Variants in MBOAT1 observed in about 807,000 individuals in gnomAD.
The protein encoded by MBOAT1 is membrane bound glycerophospholipid O-acyltransferase 1.
MBOAT1 carries 67 observed loss-of-function variants against 64.4 expected under a neutral mutation model. The observed-to-expected ratio is 1.04, with a 90% confidence interval of 0.85 to 1.27. The LOEUF is 1.27. MBOAT1 is among the 50% of genes most tolerant of loss of function. The pLI is 0.00. For missense variants in MBOAT1, 563 were observed against 604.6 expected, an observed-to-expected ratio of 0.93 and a Z score of 0.72; for synonymous variants, 229 against 218.9, an observed-to-expected ratio of 1.05 and a Z score of -0.41.
intron 4 of MBOAT1, among the ~76,000 whole-genome samples, chr6:20,139,927 A>G (rs879691732): frequency 1.5e-4 from 23 of 152,096 alleles, no homozygotes; most frequent in Admixed American, 7.9e-4. Flanking sequence ...TCTGTCTCCT[A>G]TCACTGTGCC....
At chr6:20,202,945 G>T (rs1010481703) in intron 1 of MBOAT1, among the ~76,000 whole-genome samples, 1 of 152,142 alleles carries the variant, frequency 6.6e-6, no homozygotes, top group Non-Finnish European at 1.5e-5. Context: ...CAAGTCACTG[G>T]TACAAAAGAT....
At chr6:20,153,703 G>T (rs954787712) in intron 1 of MBOAT1, among the ~76,000 whole-genome samples, 1 of 152,104 alleles carries the variant, frequency 6.6e-6, no homozygotes, top group African/African-American at 2.4e-5. Context: ...TGCATTTAAC[G>T]TCCAGTGCCA....
At chr6:20,107,810 G>C (rs1313218438) in intron 12 of MBOAT1, among the ~76,000 whole-genome samples, 1 of 151,494 alleles carries the variant, frequency 6.6e-6, no homozygotes, top group Non-Finnish European at 1.5e-5. Context: ...AAAAAAGCAT[G>C]TTAGAAATAG....
At chr6:20,147,181 C>A (rs2113685432) in intron 3 of MBOAT1, among the ~76,000 whole-genome samples, 1 of 152,350 alleles carries the variant, frequency 6.6e-6, no homozygotes, top group South Asian at 2.1e-4. Flanking sequence ...CACTAAACTT[C>A]TTTTTGTATA....
intron 3 of MBOAT1, among the ~76,000 whole-genome samples, chr6:20,146,126 G>A (rs941041100): frequency 3.9e-5 from 6 of 152,224 alleles, no homozygotes; most frequent in African/African-American, 9.6e-5. Context: ...AAGTGGTTCC[G>A]GAGCCCATCG....
intron 1 of MBOAT1, among the ~76,000 whole-genome samples, chr6:20,180,245 C>T (rs1762472437): frequency 6.6e-6 from 1 of 152,114 alleles, no homozygotes; most frequent in Admixed American, 6.5e-5. Context: ...GAAGAGAGGA[C>T]CCTTATCCAG....
chr6:20,212,185 G>A lies in MBOAT1; in HGVS notation c.50C>T (p.Ser17Phe). 1 of 1,613,586 alleles carries A rather than the reference G, an allele frequency of 6.2e-7. No individual in the cohort carries two copies. Among genetic ancestry groups the A allele is most frequent in the Non-Finnish European group, 8.5e-7 (1 of 1,179,886 alleles). ...PSSLSYRTTG[S>F]TYLHPLSELL... ...CTCGCTGAGCGGGTGCAGGTAGGTG[G>A]AGCCCGTGGTGCGGTAGGAAAGGCT... Residue 17 changes from serine (S) to phenylalanine (F), a missense_variant, in exon 1 of 13, where the codon TCC (serine) becomes TTC (phenylalanine). Transcript: ENST00000324607.
intron 1 of MBOAT1, among the ~76,000 whole-genome samples, chr6:20,179,424 T>G (rs1454649498): frequency 6.6e-6 from 1 of 152,242 alleles, no homozygotes; most frequent in Non-Finnish European, 1.5e-5. Context: ...TTTCTGTTCC[T>G]GCATTAGTTT....
At position 20,100,136 on chromosome 6, in the gene MBOAT1, A is replaced by G. The variant is rs1244888871; in HGVS notation, c.*2150T>C. 1.3e-5 allele frequency among the ~76,000 whole-genome samples: 2 copies of G among 152,216 alleles called. No individual in the cohort carries two copies. Among genetic ancestry groups the G allele is most frequent in the Non-Finnish European group, 2.9e-5 (2 of 68,038 alleles). The stretch of plus-strand genomic sequence containing the variant: ...TGGCAAACCAGGGCAGCTGGTCACC[A>G]AAGCAGACACCTCTGCTCTCATTAC... On this transcript the variant is annotated 3_prime_UTR_variant, in exon 13 of 13. Coordinates refer to ENST00000324607, the MANE Select transcript of MBOAT1 (RefSeq NM_001080480.3).
chr6:20,126,365 T>C (rs1311051401), intron 7 of MBOAT1, 152 bp downstream of exon 7: 1 of 707,090 alleles, frequency 1.4e-6, no homozygotes, highest in Non-Finnish European at 2.4e-6. Flanking sequence ...ATAGAACTGC[T>C]GCAAATAAGT....
intron 1 of MBOAT1, among the ~76,000 whole-genome samples, chr6:20,205,574 C>A (rs1272238766): frequency 1.3e-5 from 2 of 152,138 alleles, no homozygotes; most frequent in African/African-American, 4.8e-5. Context: ...GGTAGGCCAG[C>A]CCATCTTCTG....
chr6:20,202,460 T>C (rs565194995), intron 1 of MBOAT1, among the ~76,000 whole-genome samples: 5 of 152,330 alleles, frequency 3.3e-5, no homozygotes, highest in East Asian at 3.9e-4. Context: ...CTTTAAACTG[T>C]TCAAGGTGAT....
chr6:20,180,139 C>T (rs1762470197), intron 1 of MBOAT1, among the ~76,000 whole-genome samples: 1 of 152,086 alleles, frequency 6.6e-6, no homozygotes, highest in African/African-American at 2.4e-5. Context: ...TTTTGGTGAC[C>T]ACTGCAATTT....
chr6:20,166,192 T>C (rs1019232366), intron 1 of MBOAT1, among the ~76,000 whole-genome samples: 3 of 152,106 alleles, frequency 2.0e-5, no homozygotes, highest in African/African-American at 7.2e-5. Flanking sequence ...CTGTAACTTG[T>C]TTTTCATTCA....
At chr6:20,201,833 T>C (rs182744742) in intron 1 of MBOAT1, among the ~76,000 whole-genome samples, 121 of 152,154 alleles carry the variant, frequency 8.0e-4, no homozygotes, top group African/African-American at 2.6e-3. Context: ...CCACCCACCG[T>C]GGCCTCTCCA....
intron 9 of MBOAT1, among the ~76,000 whole-genome samples, chr6:20,117,433 C>T (rs948940637): frequency 6.6e-6 from 1 of 151,518 alleles, no homozygotes; most frequent in African/African-American, 2.4e-5. Flanking sequence ...TGTCTCAATG[C>T]TAAAAAAAAA....
At chr6:20,113,278 T>A (rs1363604600) in intron 10 of MBOAT1, among the ~76,000 whole-genome samples, 4 of 152,210 alleles carry the variant, frequency 2.6e-5, no homozygotes, top group Non-Finnish European at 4.4e-5. Flanking sequence ...TCTGGACCCA[T>A]CACACTGTAT....
At chr6:20,145,846 C>T (rs1366501403) in intron 3 of MBOAT1, among the ~76,000 whole-genome samples, 2 of 152,208 alleles carry the variant, frequency 1.3e-5, no homozygotes, top group African/African-American at 2.4e-5. Flanking sequence ...GCTCCAAAGT[C>T]ACCTCTTCTA....
chr6:20,162,383 C>T (rs1277292177), intron 1 of MBOAT1, among the ~76,000 whole-genome samples: 5 of 152,172 alleles, frequency 3.3e-5, no homozygotes, highest in Non-Finnish European at 7.3e-5. Context: ...CTGGAGGTGC[C>T]TCAGCCACTA....
Sources: allele counts gnomAD v4.1 joint callset (sites outside exome capture counted in the v4.1 genomes callset), GRCh38; gene constraint gnomAD v4.1.1; transcripts MANE v1.5; gene names NCBI Gene and HGNC (gene_info 2026-07-23, HGNC 2026-07-21).